The following CDKN2B-AS1 variants were observed in gnomAD, a reference collection of about 807,000 sequenced individuals.
The protein encoded by CDKN2B-AS1 is CDKN2B antisense RNA 1 (non-protein coding).
intron 4 of CDKN2B-AS1, among the ~76,000 whole-genome samples, chr9:22,057,332 G>A (rs896367276): frequency 1.3e-5 from 2 of 152,062 alleles, no homozygotes; most frequent in African/African-American, 2.4e-5. Flanking sequence ...ACAAGTACAT[G>A]TTCCTGTATA....
At position 22,056,068 on chromosome 9, in the gene CDKN2B-AS1, G is replaced by A. The variant is rs1057479533; in HGVS notation, n.303-184G>A. Among the ~76,000 whole-genome samples, 15 of 147,038 alleles carry A rather than the reference G, an allele frequency of 1.0e-4. No individual in the cohort carries two copies. In the South Asian group the frequency reaches 1.7e-3, roughly 17 times the overall value. On this transcript the variant is annotated intron_variant and non_coding_transcript_variant, in intron 3 of 4. Transcript: ENST00000650946. ...TTTTTTCTTTTTTTTTTTTTGAGAC[G>A]GAGTCTTGCAGTGTCGTCTGGGCTG... is the stretch of plus-strand genomic sequence containing the variant.
chr9:22,037,081 C>T (rs1365406115), intron 1 of CDKN2B-AS1, among the ~76,000 whole-genome samples: 1 of 151,974 alleles, frequency 6.6e-6, no homozygotes, highest in Non-Finnish European at 1.5e-5. Flanking sequence ...ATCATGCATG[C>T]CTTATTCATA....
chr9:22,005,563 A>C lies in CDKN2B-AS1; in HGVS notation n.29+10402A>C, dbSNP rs942781951. ...AACTCCTCAGCAGACATTGGAGTGA[A>C]CGCATCGACTGCCGTCACCCAAGTG... On this transcript the variant is annotated intron_variant and non_coding_transcript_variant, in intron 1 of 4. Transcript: ENST00000650946. The surrounding 1 kb of genome is among the most constrained non-coding windows in gnomAD (Gnocchi z 4.9). 4 of 394,744 alleles carry C rather than the reference A, an allele frequency of 1.0e-5. No homozygotes were observed. Among genetic ancestry groups the C allele is most frequent in the Non-Finnish European group, 1.9e-5 (4 of 212,464 alleles). The allele number at this position is 394,744 out of a possible 1,614,324, so 24.5% of individuals were successfully genotyped here.
At chr9:22,093,032 G>A (rs1306247043) in intron 4 of CDKN2B-AS1, among the ~76,000 whole-genome samples, 1 of 151,958 alleles carries the variant, frequency 6.6e-6, no homozygotes, top group Admixed American at 6.6e-5. Flanking sequence ...TGTCTTTGTT[G>A]TCTTTGGTTT....
At chr9:22,067,457 C>T (rs1329322548) in intron 4 of CDKN2B-AS1, among the ~76,000 whole-genome samples, 2 of 152,094 alleles carry the variant, frequency 1.3e-5, no homozygotes, top group East Asian at 3.8e-4. Context: ...TTTCAGCTTC[C>T]TCACCTAACT....
rs554498806 is a variant in CDKN2B-AS1, at chr9:22,078,809, T to C, written n.438+22422T>C. On this transcript the variant is annotated intron_variant and non_coding_transcript_variant, in intron 4 of 4. Transcript: ENST00000650946. Reference sequence around the variant, plus strand: ...TCTGTAAATCAGCTCTGAGATCTTCTATAATCTTAGCTGAGGTTTGGGTAT... The same window carrying C: ...TCTGTAAATCAGCTCTGAGATCTTCCATAATCTTAGCTGAGGTTTGGGTAT... 5.1e-4 allele frequency among the ~76,000 whole-genome samples: 77 copies of C among 152,368 alleles called. 2 individuals carry two copies. In the South Asian group the frequency reaches 0.016, roughly 31 times the overall value.
chr9:22,108,903 C>G (rs1237459742), intron 4 of CDKN2B-AS1, among the ~76,000 whole-genome samples: 1 of 151,978 alleles, frequency 6.6e-6, no homozygotes, highest in African/African-American at 2.4e-5. Flanking sequence ...GGCTACCAAA[C>G]CTTTGAACAT....
intron 1 of CDKN2B-AS1, among the ~76,000 whole-genome samples, chr9:21,998,663 T>G (rs1026339596): frequency 1.3e-5 from 2 of 152,192 alleles, no homozygotes; most frequent in Non-Finnish European, 2.9e-5. Flanking sequence ...AATTTTCTGT[T>G]TTAGATCAGC....
At chr9:22,017,480 G>C (rs555403431) in intron 1 of CDKN2B-AS1, among the ~76,000 whole-genome samples, 1 of 152,136 alleles carries the variant, frequency 6.6e-6, no homozygotes, top group Middle Eastern at 3.4e-3. Context: ...GTACACACAG[G>C]GTTTACTGAA....
intron 1 of CDKN2B-AS1, among the ~76,000 whole-genome samples, chr9:22,044,719 C>G (rs1414153275): frequency 6.6e-6 from 1 of 151,692 alleles, no homozygotes; most frequent in Non-Finnish European, 1.5e-5. Flanking sequence ...GTGCCTGTAT[C>G]CCCATCATTT....
At chr9:22,080,655 A>T (rs1824661098) in intron 4 of CDKN2B-AS1, among the ~76,000 whole-genome samples, 1 of 152,364 alleles carries the variant, frequency 6.6e-6, no homozygotes, top group Middle Eastern at 3.4e-3. Flanking sequence ...GGCTGTTGGA[A>T]GGAAGACTGT....
intron 4 of CDKN2B-AS1, among the ~76,000 whole-genome samples, chr9:22,081,693 T>C (rs966868195): frequency 6.6e-6 from 1 of 152,168 alleles, no homozygotes; most frequent in African/African-American, 2.4e-5. Flanking sequence ...CTAGGAAGCT[T>C]GTCTATTAGT....
chr9:22,034,420 C>T (rs1300970669), intron 1 of CDKN2B-AS1, among the ~76,000 whole-genome samples: 1 of 152,066 alleles, frequency 6.6e-6, no homozygotes, highest in African/African-American at 2.4e-5. Context: ...GTGAGATATC[C>T]TGGGAGAAAT....
At chr9:22,029,435 C>G in intron 1 of CDKN2B-AS1, 1 of 779,488 alleles carries the variant, frequency 1.3e-6, no homozygotes, top group Non-Finnish European at 2.4e-6. Flanking sequence ...TTTTGCAGGA[C>G]TATTTGCCAC....
At chr9:22,100,633 T>C (rs1426375654) in intron 4 of CDKN2B-AS1, among the ~76,000 whole-genome samples, 1 of 152,236 alleles carries the variant, frequency 6.6e-6, no homozygotes, top group East Asian at 1.9e-4. Context: ...CGTTTATGTT[T>C]AAGTCTTTGT....
At chr9:22,074,886 C>T (rs1343736223) in intron 4 of CDKN2B-AS1, among the ~76,000 whole-genome samples, 1 of 152,184 alleles carries the variant, frequency 6.6e-6, no homozygotes, top group East Asian at 1.9e-4. Context: ...AGACTTCCAA[C>T]TGGTCTGCTA....
At chr9:22,121,542 C>G (rs1826103971) in intron 4 of CDKN2B-AS1, among the ~76,000 whole-genome samples, 1 of 151,898 alleles carries the variant, frequency 6.6e-6, no homozygotes, top group Non-Finnish European at 1.5e-5. Context: ...CAATTCTCTC[C>G]CTATCCCTCC....
In CDKN2B-AS1 at chr9:22,005,629, T is replaced by C. The variant is rs1023442614; in HGVS notation, n.29+10468T>C. On this transcript the variant is annotated intron_variant and non_coding_transcript_variant, in intron 1 of 4. Transcript: ENST00000650946. The surrounding 1 kb of genome is among the most constrained non-coding windows in gnomAD (Gnocchi z 4.9). ...TCCCACTCAGCGCTGGAGTGGGAGA[T>C]TCATCCATCGGAAGATTCGTAGCCA... is the stretch of plus-strand genomic sequence containing the variant. 11 of 453,330 alleles carry C rather than the reference T, an allele frequency of 2.4e-5. No individual in the cohort carries two copies. Among genetic ancestry groups the C allele is most frequent in the South Asian group, 4.4e-5 (2 of 45,320 alleles). The allele number at this position is 453,330 out of a possible 1,614,324, so 28.1% of individuals were successfully genotyped here.
intron 1 of CDKN2B-AS1, among the ~76,000 whole-genome samples, chr9:22,027,247 T>C (rs1158737967): frequency 2.0e-5 from 3 of 152,174 alleles, no homozygotes; most frequent in Non-Finnish European, 4.4e-5. Flanking sequence ...TTAATCATTA[T>C]GAATTTTTTT....
Sources: gnomAD v4.1 joint callset for allele counts (sites outside exome capture counted in the v4.1 genomes callset) on GRCh38, gnomAD v4.1.1 for gene constraint, Gnocchi (gnomAD v3.1) non-coding constraint, MANE v1.5 for transcripts, NCBI Gene and HGNC (gene_info 2026-07-23, HGNC 2026-07-21) for gene names.